MAP2K1: variants seen among roughly 807,000 people sequenced by gnomAD.
MAP2K1 encodes the protein dual specificity mitogen-activated protein kinase kinase 1.
In MAP2K1, 16 loss-of-function variants were observed where a neutral mutation model predicts 46.3. That is an observed-to-expected ratio of 0.35 (90% CI 0.23 to 0.52). The LOEUF (loss-of-function observed/expected upper bound fraction) is 0.52. Among genes scored for constraint, MAP2K1 ranks in the 20% least tolerant of loss-of-function variants. MAP2K1 has a pLI of 0.94. For missense variants in MAP2K1, 263 were observed against 497.1 expected (o/e 0.53, Z 4.48); for synonymous variants, 183 against 185.6 (o/e 0.99, Z 0.11).
chr15:66,436,980 A>G, intron 3 of MAP2K1, 88 bp downstream of exon 3: 15 of 1,360,718 alleles, frequency 1.1e-5, no homozygotes, highest in Non-Finnish European at 1.6e-5. Context: ...GTGACCAGCT[A>G]CCTCCCTGCT....
chr15:66,433,115 TGTG>T (rs1444630614), intron 1 of MAP2K1, among the ~76,000 whole-genome samples: 1 of 152,114 alleles, frequency 6.6e-6, no homozygotes, highest in African/African-American at 2.4e-5. Context: ...TGTTTCTAAA[TGTG>T]GTCCTCAGTA....
chr15:66,388,905 T>TG (rs1491183100), intron 1 of MAP2K1, among the ~76,000 whole-genome samples: 4 of 12,192 alleles, frequency 3.3e-4, no homozygotes, highest in Non-Finnish European at 7.3e-4. Flanking sequence ...ACATTTGTTC[T>TG]TTTTTTTTTT....
At chr15:66,482,577 A>G (rs1434513472) in intron 6 of MAP2K1, among the ~76,000 whole-genome samples, 1 of 152,126 alleles carries the variant, frequency 6.6e-6, no homozygotes, top group Admixed American at 6.5e-5. Flanking sequence ...GTGTGGGGCC[A>G]TCCTCACACT....
intron 1 of MAP2K1, chr15:66,415,254 C>T: frequency 2.5e-6 from 1 of 395,082 alleles, no homozygotes; most frequent in South Asian, 2.0e-5. Context: ...AAACTGTGGG[C>T]CCACATTGAA....
intron 3 of MAP2K1, among the ~76,000 whole-genome samples, chr15:66,438,072 T>C (rs1298113702): frequency 6.6e-6 from 1 of 151,306 alleles, no homozygotes; most frequent in African/African-American, 2.4e-5. Flanking sequence ...GAAGGGTTTT[T>C]TTCCCCTTTC....
At chr15:66,413,698 T>A (rs552999737) in intron 1 of MAP2K1, among the ~76,000 whole-genome samples, 2 of 152,136 alleles carry the variant, frequency 1.3e-5, no homozygotes, top group Non-Finnish European at 2.9e-5. Flanking sequence ...GGGGGATACT[T>A]CCAGCTTAAT....
At chr15:66,485,542 C>T (rs1054168682) in intron 7 of MAP2K1, among the ~76,000 whole-genome samples, 6 of 152,158 alleles carry the variant, frequency 3.9e-5, no homozygotes, top group African/African-American at 7.2e-5. Flanking sequence ...GTCTTCCTCC[C>T]TCAGCCTCCA....
chr15:66,484,567 A>G (rs1374026654), intron 6 of MAP2K1, among the ~76,000 whole-genome samples: 1 of 152,142 alleles, frequency 6.6e-6, no homozygotes, highest in Non-Finnish European at 1.5e-5. Flanking sequence ...CTATGTATCC[A>G]CGGCACCACC....
chr15:66,470,958 C>T (rs888532281), intron 5 of MAP2K1, among the ~76,000 whole-genome samples: 3 of 152,150 alleles, frequency 2.0e-5, no homozygotes, highest in Non-Finnish European at 2.9e-5. Flanking sequence ...TTGGGAACGG[C>T]AGGACAACTT....
intron 1 of MAP2K1, among the ~76,000 whole-genome samples, chr15:66,411,809 C>T (rs2093411906): frequency 6.6e-6 from 1 of 152,096 alleles, no homozygotes; most frequent in South Asian, 2.1e-4. Flanking sequence ...AATGTGTTTA[C>T]CTATTTATCC....
At chr15:66,392,508 C>G (rs1235266967) in intron 1 of MAP2K1, among the ~76,000 whole-genome samples, 4 of 150,440 alleles carry the variant, frequency 2.7e-5, no homozygotes, top group Non-Finnish European at 5.9e-5. Flanking sequence ...AAGCAATGAC[C>G]ATCCCTAAAT....
At chr15:66,486,566 C>G (rs189292617) in intron 7 of MAP2K1, among the ~76,000 whole-genome samples, 4 of 152,366 alleles carry the variant, frequency 2.6e-5, no homozygotes, top group Admixed American at 2.6e-4. Flanking sequence ...GTAGCCAAGT[C>G]TGACTCCCAA....
chr15:66,434,561 G>C (rs188549504), intron 1 of MAP2K1, among the ~76,000 whole-genome samples: 70 of 152,240 alleles, frequency 4.6e-4, no homozygotes, highest in Non-Finnish European at 8.1e-4. Flanking sequence ...TGATTACATT[G>C]AAAATGAGGA....
chr15:66,434,519 G>C (rs1205746990), intron 1 of MAP2K1, among the ~76,000 whole-genome samples: 1 of 152,100 alleles, frequency 6.6e-6, no homozygotes, highest in African/African-American at 2.4e-5. Context: ...ATTTTTTGCT[G>C]TGACTTTTTT....
At chr15:66,403,934 A>C (rs558217384) in intron 1 of MAP2K1, among the ~76,000 whole-genome samples, 5 of 152,306 alleles carry the variant, frequency 3.3e-5, no homozygotes, top group Non-Finnish European at 7.4e-5. Context: ...GAAGTTAGCA[A>C]GAATTCCAAG....
At chr15:66,411,916 A>G (rs1312270671) in intron 1 of MAP2K1, among the ~76,000 whole-genome samples, 3 of 152,180 alleles carry the variant, frequency 2.0e-5, no homozygotes, top group African/African-American at 7.2e-5. Context: ...GGCAGGAGAG[A>G]GATCTTGCCC....
chr15:66,402,758 A>T (rs1454220905), intron 1 of MAP2K1, among the ~76,000 whole-genome samples: 1 of 152,114 alleles, frequency 6.6e-6, no homozygotes, highest in Non-Finnish European at 1.5e-5. Context: ...TAATCTATCT[A>T]GTAACGTTTT....
At position 66,420,839 on chromosome 15, in the gene MAP2K1, A is replaced by G. The variant is rs1204528594; in HGVS notation, c.81-14188A>G. Among the ~76,000 whole-genome samples the G allele has an allele frequency of 2.2e-5, 2 of 92,490 alleles. 1 individual carries two copies. The highest frequency in any genetic ancestry group is 4.7e-5 in the Non-Finnish European group (2 of 42,168). The allele number at this position is 92,490 out of a possible 152,430, so 60.7% of individuals were successfully genotyped here. ...TGTGTATATATATATGTGTATATATATGTGTGTATATATATGTGTGTATAT... is the reference window on the plus strand; with the variant it reads ...TGTGTATATATATATGTGTATATATGTGTGTGTATATATATGTGTGTATAT... On this transcript the variant is annotated intron_variant, in intron 1 of 10. Coordinates refer to ENST00000307102, the MANE Select transcript of MAP2K1 (RefSeq NM_002755.4).
intron 5 of MAP2K1, among the ~76,000 whole-genome samples, chr15:66,470,094 G>GTTTTTTTTTTTT (rs55637393): frequency 6.5e-5 from 5 of 76,600 alleles, no homozygotes; most frequent in Non-Finnish European, 7.2e-5. Flanking sequence ...TTTTTTTCTT[G>GTTTTTTTTTTTT]TTTTTTTTTT....
Sources: allele counts gnomAD v4.1 joint callset (sites outside exome capture counted in the v4.1 genomes callset), GRCh38; gene constraint gnomAD v4.1.1; transcripts MANE v1.5; gene names NCBI Gene and HGNC (gene_info 2026-07-23, HGNC 2026-07-21).